Variants in ELMOD1 observed in about 807,000 individuals in gnomAD.
ELMOD1 encodes ELMO domain-containing protein 1.
ELMOD1 carries 21 observed loss-of-function variants against 46.7 expected under a neutral mutation model. The ratio of observed to expected loss-of-function variants is 0.45; its 90% confidence interval spans 0.32 to 0.65. ELMOD1 has a LOEUF of 0.65. Among genes scored for constraint, ELMOD1 ranks in the 30% least tolerant of loss-of-function variants. The probability of loss-of-function intolerance (pLI) is 0.04; values close to 1 mark genes in which losing one functional copy is unlikely to be tolerated. For synonymous variants in ELMOD1, 122 were observed against 138.2 expected (o/e 0.88, Z 0.82); for missense variants, 348 against 407.8 (o/e 0.85, Z 1.26).
intron 11 of ELMOD1, among the ~76,000 whole-genome samples, chr11:107,659,993 G>A (rs1283272099): frequency 1.3e-5 from 2 of 152,078 alleles, no homozygotes; most frequent in African/African-American, 4.8e-5. Flanking sequence ...ACATATTTCC[G>A]AAGGCCCTCA....
intron 1 of ELMOD1, among the ~76,000 whole-genome samples, chr11:107,598,502 G>A (rs542164734): frequency 1.1e-4 from 16 of 152,282 alleles, no homozygotes; most frequent in African/African-American, 3.8e-4. Context: ...TTTAATCTGG[G>A]CACTCTTTGA....
rs751861529 is a variant in ELMOD1 at position 107,630,687 on chromosome 11, G to C, written c.164-13G>C. On this transcript the variant is annotated splice_polypyrimidine_tract_variant and intron_variant, in intron 3 of 11. Transcript: ENST00000265840. ...TAATCTTTGAATGACTGTTTTTGTT[G>C]CTGCTTTCACAGAAACATCACTGAG... 2 of 1,607,768 alleles carry C rather than the reference G, an allele frequency of 1.2e-6. No homozygotes were observed.
At chr11:107,598,784 G>A (rs1487658158) in intron 1 of ELMOD1, among the ~76,000 whole-genome samples, 2 of 152,206 alleles carry the variant, frequency 1.3e-5, no homozygotes, top group African/African-American at 2.4e-5. Context: ...CCAGTTCTGT[G>A]TCAGCATTTC....
chr11:107,665,250 T>A lies in ELMOD1; in HGVS notation c.*53T>A. 6.4e-7 allele frequency: 1 copy of A among 1,574,652 alleles called. No individual in the cohort carries two copies. The highest frequency in any genetic ancestry group is 8.7e-7 in the Non-Finnish European group (1 of 1,152,746). The stretch of plus-strand genomic sequence containing the variant: ...CTGGAACACTGCCTCATTGTCTTGT[T>A]AGATCTCTGCTTAGGTCGCAGCTCA... On this transcript the variant is annotated 3_prime_UTR_variant, in exon 12 of 12. Coordinates refer to ENST00000265840, the MANE Select transcript of ELMOD1 (RefSeq NM_018712.4).
At chr11:107,622,549 TG>T (rs1865968495) in intron 2 of ELMOD1, among the ~76,000 whole-genome samples, 1 of 152,206 alleles carries the variant, frequency 6.6e-6, no homozygotes, top group African/African-American at 2.4e-5. Flanking sequence ...TCACCTTATG[TG>T]TGAGAAAGAA....
chr11:107,647,432 G>T, intron 6 of ELMOD1, 36 bp from the exon 7 acceptor site: 1 of 1,592,652 alleles, frequency 6.3e-7, no homozygotes, highest in South Asian at 1.2e-5. Flanking sequence ...AGGAAAGGGT[G>T]TATCAACAGA....
At chr11:107,623,877 T>C (rs1383012484) in intron 2 of ELMOD1, 3 of 152,212 alleles carry the variant, frequency 2.0e-5, no homozygotes, top group African/African-American at 7.2e-5. Flanking sequence ...TATTTTGTAT[T>C]TGGCTCTATG....
chr11:107,656,192 A>C, intron 11 of ELMOD1, 126 bp downstream of exon 11: 1 of 1,023,416 alleles, frequency 9.8e-7, no homozygotes, highest in Non-Finnish European at 1.4e-6. Context: ...GTTCAAGACC[A>C]GCTTGGCCAG....
chr11:107,595,521 C>T (rs948938533), intron 1 of ELMOD1, among the ~76,000 whole-genome samples: 7 of 152,134 alleles, frequency 4.6e-5, no homozygotes, highest in African/African-American at 7.2e-5. Context: ...CGCATGAACA[C>T]GGCTTATTAA....
At position 107,665,148 on chromosome 11, in the gene ELMOD1, T is replaced by C. The variant is rs375259322; in HGVS notation, c.956T>C (p.Met319Thr). ...ATCAAACAGCTGCAGAACCCAGACA[T>C]GGCGCTGTGCCCACATTTTGCTGCC... ...RIIKQLQNPDMALCPHFAASE... is the reference protein window; with the variant it reads ...RIIKQLQNPDTALCPHFAASE... The change falls in exon 12 of 12, where the codon ATG (methionine) becomes ACG (threonine). Residue 319 changes from methionine (M) to threonine (T), a missense_variant. Coordinates refer to ENST00000265840, the MANE Select transcript of ELMOD1 (RefSeq NM_018712.4). 2.5e-6 allele frequency: 4 copies of C among 1,613,912 alleles called. No homozygotes were observed. Among genetic ancestry groups the C allele is most frequent in the Non-Finnish European group, 3.4e-6 (4 of 1,179,896 alleles).
At chr11:107,644,802 G>A (rs1205488048) in intron 6 of ELMOD1, among the ~76,000 whole-genome samples, 1 of 152,108 alleles carries the variant, frequency 6.6e-6, no homozygotes, top group East Asian at 1.9e-4. Flanking sequence ...GTTGTGCAGG[G>A]CCCTGAGATG....
intron 11 of ELMOD1, among the ~76,000 whole-genome samples, chr11:107,663,566 T>G (rs1866782901): frequency 6.6e-6 from 1 of 151,736 alleles, no homozygotes; most frequent in Admixed American, 6.6e-5. Context: ...GACCACATAC[T>G]TAAACAAATA....
intron 1 of ELMOD1, among the ~76,000 whole-genome samples, chr11:107,610,998 CAAAAAAAAAAAA>C (rs58417281): frequency 1.0e-5 from 1 of 95,798 alleles, no homozygotes; most frequent in Non-Finnish European, 2.1e-5. Flanking sequence ...TGTAAGAATC[CAAAAAAAAAAAA>C]AAAAAAAGAA....
At chr11:107,605,243 A>C (rs1381275043) in intron 1 of ELMOD1, among the ~76,000 whole-genome samples, 3 of 139,106 alleles carry the variant, frequency 2.2e-5, no homozygotes, top group East Asian at 4.1e-4. Context: ...CCAGTGTCCC[A>C]GGCTGGAGTG....
At chr11:107,639,685 G>C (rs1188926674) in intron 6 of ELMOD1, among the ~76,000 whole-genome samples, 1 of 152,188 alleles carries the variant, frequency 6.6e-6, no homozygotes, top group African/African-American at 2.4e-5. Context: ...TCAGCAGAGA[G>C]AGCAGGCTGT....
At chr11:107,618,966 G>A (rs635944) in intron 2 of ELMOD1, among the ~76,000 whole-genome samples, 1,781 of 152,196 alleles carry the variant, frequency 0.012, 39 homozygotes, top group African/African-American at 0.036. Flanking sequence ...CCAGAAGATC[G>A]GGCTTCTTTT....
At chr11:107,637,954 A>G (rs1866258297) in intron 6 of ELMOD1, among the ~76,000 whole-genome samples, 1 of 152,118 alleles carries the variant, frequency 6.6e-6, no homozygotes, top group Non-Finnish European at 1.5e-5. Flanking sequence ...GCTATGTCCT[A>G]TAGTAGAAAG....
chr11:107,608,546 T>C (rs543349164), intron 1 of ELMOD1, among the ~76,000 whole-genome samples: 4 of 152,238 alleles, frequency 2.6e-5, no homozygotes, highest in Non-Finnish European at 5.9e-5. Flanking sequence ...AAAGCCTTGA[T>C]TTACATTTTG....
chr11:107,591,617 T>G (rs1865392757), intron 1 of ELMOD1: 2 of 337,738 alleles, frequency 5.9e-6, no homozygotes, highest in Admixed American at 8.2e-5. Flanking sequence ...GACAGTGATT[T>G]CCCCTTCTAT....
Sources: gnomAD v4.1 joint callset for allele counts (sites outside exome capture counted in the v4.1 genomes callset) on GRCh38, gnomAD v4.1.1 for gene constraint, MANE v1.5 for transcripts, NCBI Gene and HGNC (gene_info 2026-07-23, HGNC 2026-07-21) for gene names.